Variants in ZHX2 observed in about 807,000 individuals in gnomAD.
The protein encoded by ZHX2 is zinc fingers and homeoboxes protein 2.
In ZHX2, 6 loss-of-function variants were observed where a neutral mutation model predicts 21.9. The ratio of observed to expected loss-of-function variants is 0.27; its 90% CI spans 0.15 to 0.54. ZHX2 has a LOEUF of 0.54. Among genes scored for constraint, ZHX2 ranks in the 20% least tolerant of loss-of-function variants. ZHX2 has a pLI of 0.95. For synonymous variants in ZHX2, 434 were observed against 437.1 expected (o/e 0.99, Z 0.09); for missense variants, 908 against 1,090.7 (o/e 0.83, Z 2.36).
intron 1 of ZHX2, chr8:122,807,969 T>G (rs971085995): frequency 1.3e-4 from 20 of 152,196 alleles, no homozygotes; most frequent in African/African-American, 4.8e-4. Context: ...CAGAGAGAGA[T>G]ATTGCAACTT....
chr8:122,871,271 A>G (rs1222741589), intron 2 of ZHX2, among the ~76,000 whole-genome samples: 1 of 151,954 alleles, frequency 6.6e-6, no homozygotes, highest in Non-Finnish European at 1.5e-5. Context: ...GGTACTTGGA[A>G]CCAACCCAAA....
chr8:122,967,623 T>C (rs374162326), intron 3 of ZHX2, among the ~76,000 whole-genome samples: 37 of 152,360 alleles, frequency 2.4e-4, no homozygotes, highest in African/African-American at 8.4e-4. Flanking sequence ...TCTCAAATGC[T>C]GGTTACACCA....
At chr8:122,871,237 T>G (rs1199344354) in intron 2 of ZHX2, among the ~76,000 whole-genome samples, 1 of 152,092 alleles carries the variant, frequency 6.6e-6, no homozygotes, top group East Asian at 1.9e-4. Flanking sequence ...GATCAGCACA[T>G]GTACAGTGTT....
At chr8:122,888,072 C>T (rs1819886874) in intron 2 of ZHX2, among the ~76,000 whole-genome samples, 1 of 152,126 alleles carries the variant, frequency 6.6e-6, no homozygotes, top group African/African-American at 2.4e-5. Context: ...CCCTCTCTAC[C>T]CCTTCTCCAG....
intron 2 of ZHX2, among the ~76,000 whole-genome samples, chr8:122,935,182 C>G (rs1812650677): frequency 6.6e-6 from 1 of 150,790 alleles, no homozygotes; most frequent in African/African-American, 2.4e-5. Flanking sequence ...ATTTGAAGCT[C>G]TTATCTCATA....
At chr8:122,856,692 AGAATGTTT>A (rs1160862000) in intron 1 of ZHX2, among the ~76,000 whole-genome samples, 30 of 152,254 alleles carry the variant, frequency 2.0e-4, no homozygotes, top group Admixed American at 1.6e-3. Flanking sequence ...GGTACCTGGG[AGAATGTTT>A]CCCTCAACGA....
rs138897531 is a variant in ZHX2 at position 122,808,084 on chromosome 8, T to C, written c.-283+26138T>C. 3.7e-4 allele frequency among the ~76,000 whole-genome samples: 57 copies of C among 152,340 alleles called. 1 individual carries two copies. The highest frequency in any genetic ancestry group is 1.1e-3 in the African/African-American group (46 of 41,574). The stretch of plus-strand genomic sequence containing the variant: ...CCTTGGGCAGGTCACTTACCTTTTT[T>C]CAGTTTATCTCCTCATATATAAGAT... On this transcript the variant is annotated intron_variant, in intron 1 of 3. Transcript: ENST00000314393.
intron 2 of ZHX2, among the ~76,000 whole-genome samples, chr8:122,906,432 A>G (rs1398509460): frequency 6.6e-6 from 1 of 152,184 alleles, no homozygotes; most frequent in Admixed American, 6.5e-5. Context: ...GCAACTCTGT[A>G]TGTGTTGATG....
chr8:122,974,165 T>C lies in ZHX2; in HGVS notation c.*928T>C, dbSNP rs1232896727. The stretch of plus-strand genomic sequence containing the variant: ...TGAATGGCTTTGGTTTTCATTTCTC[T>C]TCTTCACTGCCTTTTCTCGGTGTGG... On this transcript the variant is annotated 3_prime_UTR_variant, in exon 4 of 4. Coordinates refer to ENST00000314393, the MANE Select transcript of ZHX2 (RefSeq NM_014943.5). 3 of 152,558 alleles carry C rather than the reference T, an allele frequency of 2.0e-5. No individual in the cohort carries two copies. The highest frequency in any genetic ancestry group is 7.2e-5 in the African/African-American group (3 of 41,410). 9.5% of individuals were successfully genotyped at this position (152,558 alleles called of 1,614,324 possible). A position where few individuals can be genotyped will look rare whatever the true frequency, so the allele number is the denominator to read the frequency against.
intron 2 of ZHX2, among the ~76,000 whole-genome samples, chr8:122,868,806 G>A (rs998297686): frequency 2.6e-5 from 4 of 151,982 alleles, no homozygotes; most frequent in Non-Finnish European, 5.9e-5. Context: ...GTTGCCCTGA[G>A]CTACGATCAC....
intron 2 of ZHX2, among the ~76,000 whole-genome samples, chr8:122,932,574 G>C (rs929587672): frequency 1.3e-5 from 2 of 152,186 alleles, no homozygotes; most frequent in Non-Finnish European, 2.9e-5. Context: ...AGGTTGCAGT[G>C]AGCTGAGATC....
intron 1 of ZHX2, among the ~76,000 whole-genome samples, chr8:122,848,462 C>G (rs1818805670): frequency 6.6e-6 from 1 of 152,160 alleles, no homozygotes; most frequent in African/African-American, 2.4e-5. Context: ...AAACGGAACA[C>G]TTCCCCCATC....
chr8:122,959,091 G>A (rs56120614), intron 3 of ZHX2, among the ~76,000 whole-genome samples: 5,396 of 152,162 alleles, frequency 0.035, 300 homozygotes, highest in African/African-American at 0.12. Context: ...AAAGAATTCT[G>A]AGGCTCAGGA....
At chr8:122,783,034 G>C (rs967328823) in intron 1 of ZHX2, among the ~76,000 whole-genome samples, 22 of 152,206 alleles carry the variant, frequency 1.4e-4, no homozygotes, top group African/African-American at 5.1e-4. Flanking sequence ...CCTCGTAGCT[G>C]TGCTGAGCCT....
intron 3 of ZHX2, among the ~76,000 whole-genome samples, chr8:122,969,941 TTTG>T (rs1272830292): frequency 1.3e-5 from 2 of 152,162 alleles, no homozygotes; most frequent in Non-Finnish European, 2.9e-5. Flanking sequence ...AGAAGCAGAT[TTTG>T]CTAAAGAATT....
chr8:122,927,633 G>A (rs1039709075), intron 2 of ZHX2, among the ~76,000 whole-genome samples: 5 of 152,222 alleles, frequency 3.3e-5, no homozygotes, highest in African/African-American at 7.2e-5. Flanking sequence ...AAGAAAGCTT[G>A]TGCAGGGGAA....
intron 2 of ZHX2, among the ~76,000 whole-genome samples, chr8:122,903,956 C>T (rs1263504778): frequency 6.6e-6 from 1 of 152,006 alleles, no homozygotes; most frequent in Non-Finnish European, 1.5e-5. Context: ...AAACCTTGGG[C>T]ATTATTTATA....
chr8:122,943,151 A>C (rs1812887850), intron 2 of ZHX2, among the ~76,000 whole-genome samples: 1 of 152,006 alleles, frequency 6.6e-6, no homozygotes, highest in South Asian at 2.1e-4. Context: ...AATCCCAGCT[A>C]CTCAGGAGGC....
chr8:122,801,711 G>A (rs568057753), intron 1 of ZHX2, among the ~76,000 whole-genome samples: 80 of 152,208 alleles, frequency 5.3e-4, no homozygotes, highest in African/African-American at 1.7e-3. Flanking sequence ...TGATTGCACC[G>A]CTGCAGCTCC....
Sources: gnomAD v4.1 joint callset for allele counts (sites outside exome capture counted in the v4.1 genomes callset) on GRCh38, gnomAD v4.1.1 for gene constraint, MANE v1.5 for transcripts, NCBI Gene and HGNC (gene_info 2026-07-23, HGNC 2026-07-21) for gene names.